Variants in ADCY5 observed in about 807,000 individuals in gnomAD.
ADCY5 encodes the protein adenylate cyclase 5, also known as adenylate cyclase type 5.
Under a neutral mutation model 119.7 loss-of-function variants are expected in ADCY5, and 30 were observed. The ratio of observed to expected loss-of-function variants is 0.25; its 90% CI spans 0.19 to 0.34. The LOEUF is 0.34. Ranked by LOEUF, ADCY5 falls within the 10% of genes least tolerant of loss-of-function variation. The pLI is 1.00. For synonymous variants in ADCY5, 753 were observed against 762.2 expected (o/e 0.99, Z 0.20); for missense variants, 1,324 against 1,775.2 (o/e 0.75, Z 4.57).
At chr3:123,405,605 A>G (rs992757513) in intron 1 of ADCY5, among the ~76,000 whole-genome samples, 4 of 152,010 alleles carry the variant, frequency 2.6e-5, no homozygotes, top group African/African-American at 9.7e-5. Context: ...ATTTTATTTT[A>G]TTTATTTTAT....
chr3:123,365,459 G>T (rs1943401046), intron 1 of ADCY5, among the ~76,000 whole-genome samples: 1 of 152,206 alleles, frequency 6.6e-6, no homozygotes, highest in Non-Finnish European at 1.5e-5. Context: ...AGCACCAAGG[G>T]CCTGGGAGAG....
At chr3:123,426,697 A>G (rs369219348) in intron 1 of ADCY5, among the ~76,000 whole-genome samples, 8 of 152,292 alleles carry the variant, frequency 5.3e-5, no homozygotes, top group African/African-American at 1.9e-4. Flanking sequence ...AGTTAAGTAC[A>G]TACTTTGTCA....
intron 15 of ADCY5, among the ~76,000 whole-genome samples, chr3:123,297,719 C>A (rs941360990): frequency 1.3e-5 from 2 of 152,224 alleles, no homozygotes; most frequent in African/African-American, 4.8e-5. Flanking sequence ...GAGGAGAGAT[C>A]CCACAGCTGC....
At chr3:123,383,977 CACACAA>C (rs142958403) in intron 1 of ADCY5, among the ~76,000 whole-genome samples, 23 of 114,154 alleles carry the variant, frequency 2.0e-4, no homozygotes, top group South Asian at 9.0e-4. Context: ...CGCACACACA[CACACAA>C]ACACACACCC....
intron 1 of ADCY5, among the ~76,000 whole-genome samples, chr3:123,391,072 C>T (rs898020226): frequency 3.3e-5 from 5 of 152,220 alleles, no homozygotes; most frequent in Admixed American, 1.3e-4. Context: ...GCTTGGGGGC[C>T]GCCCAGCACA....
intron 1 of ADCY5, among the ~76,000 whole-genome samples, chr3:123,443,079 T>C (rs985073482): frequency 6.6e-6 from 1 of 152,174 alleles, no homozygotes; most frequent in Non-Finnish European, 1.5e-5. Context: ...TCCTCCACTC[T>C]ACCCAGCGTC....
At chr3:123,401,994 T>C (rs2107609958) in intron 1 of ADCY5, among the ~76,000 whole-genome samples, 1 of 152,272 alleles carries the variant, frequency 6.6e-6, no homozygotes, top group African/African-American at 2.4e-5. Flanking sequence ...CAGGGTCACA[T>C]GGACAAGGGC....
Position 123,310,103 on chromosome 3 carries a change from T to TACACACACACACACACACACACACAC in ADCY5, c.2442+4106_2442+4131dup, listed in dbSNP as rs60966110. 1.1e-3 allele frequency among the ~76,000 whole-genome samples: 131 copies of TACACACACACACACACACACACACAC among 121,204 alleles called. 3 individuals are homozygous for TACACACACACACACACACACACACAC. The East Asian group carries it at 0.017, about 16-fold the overall frequency. The allele number at this position is 121,204 out of a possible 152,430, so 79.5% of individuals were successfully genotyped here. On this transcript the variant is annotated intron_variant, in intron 12 of 20. Coordinates refer to ENST00000462833, the MANE Select transcript of ADCY5 (RefSeq NM_183357.3). ...GGCTGGGGGATAAGAGAGAGAGATTTACACACACACACACACACACACACA... is the reference window on the plus strand; with the variant it reads ...GGCTGGGGGATAAGAGAGAGAGATTTACACACACACACACACACACACACACACACACACACACACACACACACACA...
chr3:123,353,469 A>T (rs1229548845), intron 1 of ADCY5, among the ~76,000 whole-genome samples: 2 of 152,152 alleles, frequency 1.3e-5, no homozygotes, highest in African/African-American at 2.4e-5. Context: ...GTTGTCCTTG[A>T]CTTGGGGCCA....
chr3:123,334,801 G>A (rs1344284893), intron 3 of ADCY5, among the ~76,000 whole-genome samples: 1 of 152,084 alleles, frequency 6.6e-6, no homozygotes, highest in Non-Finnish European at 1.5e-5. Context: ...TATATTTATG[G>A]GGTGGGTACA....
At chr3:123,330,243 T>C (rs1576582871) in intron 5 of ADCY5, among the ~76,000 whole-genome samples, 1 of 152,232 alleles carries the variant, frequency 6.6e-6, no homozygotes, top group East Asian at 1.9e-4. Context: ...CTTTTTTCTC[T>C]GCCCCTGCCC....
chr3:123,334,512 C>T (rs777571993), intron 3 of ADCY5, among the ~76,000 whole-genome samples: 4 of 152,168 alleles, frequency 2.6e-5, no homozygotes, highest in Non-Finnish European at 4.4e-5. Flanking sequence ...CTTAAGTGGG[C>T]GGACCACTTG....
At chr3:123,315,156 A>G (rs1484711067) in intron 11 of ADCY5, among the ~76,000 whole-genome samples, 3 of 152,312 alleles carry the variant, frequency 2.0e-5, no homozygotes, top group Admixed American at 1.3e-4. Context: ...AGGGAGGAAG[A>G]GTGGCCTGAC....
rs567243560 is a variant in ADCY5 at position 123,434,616 on chromosome 3, C to A, written c.1134+12796G>T. Among the ~76,000 whole-genome samples, 4 of 152,308 alleles carry A rather than the reference C, an allele frequency of 2.6e-5. No individual in the cohort carries two copies. The South Asian group carries it at 6.2e-4, about 24-fold the overall frequency. On this transcript the variant is annotated intron_variant, in intron 1 of 20. Coordinates refer to ENST00000462833, the MANE Select transcript of ADCY5 (RefSeq NM_183357.3). ...CTAATTAAATATAAAGGTATTTGAG[C>A]CTTTTGGCTGGTATTTGAGCCACTG... is the stretch of plus-strand genomic sequence containing the variant.
In ADCY5 at chr3:123,352,341, A is replaced by G; in HGVS notation, c.1284+91T>C. The G allele has an allele frequency of 6.9e-7, 1 of 1,447,460 alleles. No individual in the cohort carries two copies. Among genetic ancestry groups the G allele is most frequent in the East Asian group, 2.4e-5 (1 of 41,900 alleles). The allele number at this position is 1,447,460 out of a possible 1,614,324, so 89.7% of individuals were successfully genotyped here. A position where few individuals can be genotyped will look rare whatever the true frequency, so the allele number is the denominator to read the frequency against. ...GGGGAGTGGGGCTGGCAGCCGTAAT[A>G]AGCACTGCCCGCCCTAGGCCAGGCA... On this transcript the variant is annotated intron_variant, in intron 2 of 20. Coordinates refer to ENST00000462833, the MANE Select transcript of ADCY5 (RefSeq NM_183357.3). The surrounding 1 kb of genome is among the most constrained non-coding windows in gnomAD (Gnocchi z 4.8).
intron 7 of ADCY5, 61 bp downstream of exon 7, chr3:123,327,557 C>T (rs1016238968): frequency 3.5e-5 from 53 of 1,514,966 alleles, no homozygotes; most frequent in African/African-American, 1.8e-4. Flanking sequence ...CAGCAGGTCA[C>T]GAAAATGTTC....
chr3:123,373,760 C>T (rs1385088043), intron 1 of ADCY5, among the ~76,000 whole-genome samples: 10 of 20,114 alleles, frequency 5.0e-4, no homozygotes, highest in East Asian at 0.045. Context: ...AGCATCACGC[C>T]CCCCCCCCCC....
intron 1 of ADCY5, among the ~76,000 whole-genome samples, chr3:123,436,225 T>G: frequency 6.6e-6 from 1 of 151,746 alleles, no homozygotes; most frequent in East Asian, 1.9e-4. Flanking sequence ...TTACCAAAAA[T>G]AGCTGGGCAT....
At chr3:123,288,018 G>A (rs749651178) in intron 19 of ADCY5, among the ~76,000 whole-genome samples, 6 of 152,264 alleles carry the variant, frequency 3.9e-5, no homozygotes, top group Non-Finnish European at 7.3e-5. Context: ...TGTTACACAA[G>A]ACCAAGAGTG....
Sources: gnomAD v4.1 joint callset for allele counts (sites outside exome capture counted in the v4.1 genomes callset) on GRCh38, gnomAD v4.1.1 for gene constraint, Gnocchi (gnomAD v3.1) non-coding constraint, MANE v1.5 for transcripts, NCBI Gene and HGNC (gene_info 2026-07-23, HGNC 2026-07-21) for gene names.